Variants in DYNC1I2 observed in about 807,000 individuals in gnomAD.
DYNC1I2 encodes dynein cytoplasmic 1 intermediate chain 2.
A neutral mutation model predicts 88.6 loss-of-function variants in DYNC1I2; 53 were observed. The observed-to-expected ratio is 0.60, with a 90% CI of 0.48 to 0.75. The LOEUF (loss-of-function observed/expected upper bound fraction) is 0.75, where lower values mean the gene tolerates loss of function less well. Among genes scored for constraint, DYNC1I2 ranks in the 30% least tolerant of loss-of-function variants. The probability of loss-of-function intolerance (pLI) is 0.00; values close to 1 mark genes in which losing one functional copy is unlikely to be tolerated. For synonymous variants in DYNC1I2, 198 were observed against 254.6 expected, an observed-to-expected ratio of 0.78 and a Z score of 2.12; for missense variants, 458 against 766.6, an observed-to-expected ratio of 0.60 and a Z score of 4.75.
intron 17 of DYNC1I2, 42 bp from the exon 18 acceptor site, chr2:171,747,734 T>C: frequency 7.2e-7 from 1 of 1,389,660 alleles, no homozygotes; most frequent in South Asian, 1.3e-5. Flanking sequence ...TAAAATGATC[T>C]TTTATTTCAT....
rs1686732893 is a variant in DYNC1I2 at position 171,707,046 on chromosome 2, A to C, written c.245-241A>C. On this transcript the variant is annotated intron_variant, in intron 4 of 17. Transcript: ENST00000397119. ...TCCATAATCTTGCCTTTTTAAAAAAATTATAAAGCTCAAATGCATTTTGCC... is the reference window on the plus strand; with the variant it reads ...TCCATAATCTTGCCTTTTTAAAAAACTTATAAAGCTCAAATGCATTTTGCC... 4.2e-5 allele frequency: 25 copies of C among 601,764 alleles called. No individual in the cohort carries two copies. In the South Asian group the frequency reaches 5.4e-4, roughly 13 times the overall value. The allele number at this position is 601,764 out of a possible 1,614,324, so 37.3% of individuals were successfully genotyped here. A position where few individuals can be genotyped will look rare whatever the true frequency, so the allele number is the denominator to read the frequency against.
rs1690005386 is a variant in DYNC1I2 at position 171,750,108 on chromosome 2, A to C, written c.*2219A>C. 6.6e-6 allele frequency among the ~76,000 whole-genome samples: 1 copy of C among 152,186 alleles called. No homozygotes were observed. The highest frequency in any genetic ancestry group is 1.5e-5 in the Non-Finnish European group (1 of 68,018). On this transcript the variant is annotated 3_prime_UTR_variant, in exon 18 of 18. Transcript: ENST00000397119. ...AAAGTTTATTACCTTCATGTTAAGG[A>C]ATATCCAGCTTCACAGACAATTAAC...
At chr2:171,723,745 C>A (rs963385232) in intron 7 of DYNC1I2, among the ~76,000 whole-genome samples, 1 of 152,156 alleles carries the variant, frequency 6.6e-6, no homozygotes, top group Non-Finnish European at 1.5e-5. Flanking sequence ...AAGAGAGTGG[C>A]GATCACTAAG....
chr2:171,748,881 G>A lies in DYNC1I2; in HGVS notation c.*992G>A, dbSNP rs532547585. ...TTGCCACAGCATTGTCTACAAGTCC[G>A]AAAGGTAGGTGACAAATATCTAAGA... On this transcript the variant is annotated 3_prime_UTR_variant, in exon 18 of 18. Transcript: ENST00000397119. 1.2e-4 allele frequency among the ~76,000 whole-genome samples: 19 copies of A among 152,280 alleles called. No homozygotes were observed. The East Asian group carries it at 1.5e-3, about 12-fold the overall frequency.
chr2:171,725,582 T>G, intron 7 of DYNC1I2, 36 bp from the exon 8 acceptor site: 2 of 1,281,944 alleles, frequency 1.6e-6, no homozygotes, highest in Non-Finnish European at 2.1e-6. Flanking sequence ...CATTCTGTTT[T>G]TTTGTTTTTT....
At chr2:171,699,231 C>T (rs1235315859) in intron 3 of DYNC1I2, among the ~76,000 whole-genome samples, 4 of 152,086 alleles carry the variant, frequency 2.6e-5, no homozygotes, top group East Asian at 1.9e-4. Context: ...CGCTTGAACT[C>T]GGGAGGCAGA....
intron 2 of DYNC1I2, among the ~76,000 whole-genome samples, chr2:171,691,349 T>C (rs1210447401): frequency 2.6e-5 from 4 of 152,250 alleles, no homozygotes; most frequent in Non-Finnish European, 5.9e-5. Flanking sequence ...GACATATCAG[T>C]GTACTTTTAC....
intron 15 of DYNC1I2, among the ~76,000 whole-genome samples, chr2:171,731,865 C>T (rs939429690): frequency 1.3e-5 from 2 of 152,142 alleles, no homozygotes; most frequent in Non-Finnish European, 2.9e-5. Flanking sequence ...TTGTAAGATA[C>T]ATAGTAATCA....
chr2:171,690,403 A>G, intron 2 of DYNC1I2, 140 bp downstream of exon 2: 1 of 592,734 alleles, frequency 1.7e-6, no homozygotes, highest in Non-Finnish European at 2.9e-6. Context: ...CTTTTGCACA[A>G]ACCTAATAAT....
At chr2:171,721,055 G>A (rs147496021) in intron 7 of DYNC1I2, among the ~76,000 whole-genome samples, 337 of 137,728 alleles carry the variant, frequency 2.4e-3, no homozygotes, top group Non-Finnish European at 3.7e-3. Flanking sequence ...AGGAGGCTGA[G>A]ACAGGAGGAT....
intron 3 of DYNC1I2, among the ~76,000 whole-genome samples, chr2:171,703,811 C>T (rs1686458340): frequency 6.6e-6 from 1 of 152,070 alleles, no homozygotes; most frequent in African/African-American, 2.4e-5. Flanking sequence ...CAGAAGGGGG[C>T]ATTATTGTAA....
intron 7 of DYNC1I2, among the ~76,000 whole-genome samples, chr2:171,718,819 T>C (rs1687708476): frequency 6.6e-6 from 1 of 152,210 alleles, no homozygotes; most frequent in Admixed American, 6.5e-5. Flanking sequence ...TGAGACACTT[T>C]ACATCATCTG....
intron 7 of DYNC1I2, among the ~76,000 whole-genome samples, chr2:171,718,110 C>G (rs903849163): frequency 8.6e-5 from 13 of 151,956 alleles, no homozygotes; most frequent in African/African-American, 3.1e-4. Flanking sequence ...GCGTGCGCCA[C>G]CACTGCCAGC....
At chr2:171,692,085 T>G (rs890658837) in intron 2 of DYNC1I2, among the ~76,000 whole-genome samples, 19 of 152,148 alleles carry the variant, frequency 1.2e-4, no homozygotes, top group African/African-American at 3.6e-4. Flanking sequence ...GATTTGAGAT[T>G]TACATAAAAA....
chr2:171,710,468 G>T (rs1454945233), intron 5 of DYNC1I2, among the ~76,000 whole-genome samples: 1 of 152,126 alleles, frequency 6.6e-6, no homozygotes, highest in African/African-American at 2.4e-5. Context: ...TACACTCAGG[G>T]AGTAGGAATA....
chr2:171,706,455 G>C, intron 3 of DYNC1I2, 92 bp from the exon 4 acceptor site: 1 of 1,105,164 alleles, frequency 9.0e-7, no homozygotes, highest in Non-Finnish European at 1.4e-6. Flanking sequence ...AGCACTTGCT[G>C]TTTATTTTAT....
rs745475856 is a variant in DYNC1I2 at position 171,729,885 on chromosome 2, C to T, written c.1536+32C>T. The T allele has an allele frequency of 3.7e-6, 6 of 1,611,212 alleles. No homozygotes were observed. The African/African-American group carries it at 4.0e-5, about 11-fold the overall frequency. ...AAAATATAGATGTCTGCTATTTGCT[C>T]AGGTTTCTGACACAAGGTGGTGATC... On this transcript the variant is annotated intron_variant, in intron 15 of 17. Transcript: ENST00000397119.
Position 171,725,598 on chromosome 2 carries a change from G to GTTTT in DYNC1I2, c.512-7_512-4dup, listed in dbSNP as rs746910264. On this transcript the variant is annotated intron_variant, in intron 7 of 17. Transcript: ENST00000397119. ...ATTCTGTTTTTTTGTTTTTTTGTTT[G>GTTTT]TTTTTTTTTTTTTTTTCAGATGAAG... is the stretch of plus-strand genomic sequence containing the variant. 2.7e-4 allele frequency: 239 copies of GTTTT among 895,076 alleles called. 3 individuals carry two copies. Among genetic ancestry groups the GTTTT allele is most frequent in the South Asian group, 1.5e-3 (63 of 43,004 alleles). The allele number at this position is 895,076 out of a possible 1,614,324, so 55.4% of individuals were successfully genotyped here. A position where few individuals can be genotyped will look rare whatever the true frequency, so the allele number is the denominator to read the frequency against.
intron 6 of DYNC1I2, among the ~76,000 whole-genome samples, chr2:171,715,031 C>T (rs1687390677): frequency 6.6e-6 from 1 of 152,138 alleles, no homozygotes; most frequent in Non-Finnish European, 1.5e-5. Context: ...GTGGTCCACT[C>T]TGAAGTTCCT....
Sources: gnomAD v4.1 joint callset for allele counts (sites outside exome capture counted in the v4.1 genomes callset) on GRCh38, gnomAD v4.1.1 for gene constraint, MANE v1.5 for transcripts, NCBI Gene and HGNC (gene_info 2026-07-23, HGNC 2026-07-21) for gene names.